GLI3: variants seen among roughly 807,000 people sequenced by gnomAD.
GLI3 encodes the protein GLI family zinc finger 3, also known as transcription activator GLI3.
In GLI3, 20 loss-of-function variants were observed where a neutral mutation model predicts 100.8. The ratio of observed to expected loss-of-function variants is 0.20; its 90% CI spans 0.14 to 0.29. The LOEUF (loss-of-function observed/expected upper bound fraction) is 0.29. Ranked by LOEUF, GLI3 falls within the 10% of genes least tolerant of loss-of-function variation. GLI3 has a pLI of 1.00. For missense variants in GLI3, 2,040 were observed against 2,128.5 expected (o/e 0.96, Z 0.82); for synonymous variants, 938 against 860.5 (o/e 1.09, Z -1.58).
chr7:42,262,195 T>C (rs1052253897), intron 1 of GLI3, among the ~76,000 whole-genome samples: 9 of 147,272 alleles, frequency 6.1e-5, no homozygotes, highest in Admixed American at 2.0e-4. Context: ...TCTTTTATTT[T>C]TTTTCCTTCC....
At chr7:41,978,964 G>A (rs1787582821) in intron 10 of GLI3, among the ~76,000 whole-genome samples, 1 of 152,194 alleles carries the variant, frequency 6.6e-6, no homozygotes, top group Non-Finnish European at 1.5e-5. Flanking sequence ...ACCAGTGGGA[G>A]TGGCAAGACC....
intron 3 of GLI3, among the ~76,000 whole-genome samples, chr7:42,136,915 C>T (rs192903186): frequency 6.6e-5 from 10 of 152,322 alleles, no homozygotes; most frequent in Non-Finnish European, 1.5e-4. Context: ...CACGCTCTTG[C>T]ACAGATCTGG....
At chr7:42,018,587 T>A (rs1202210369) in intron 10 of GLI3, among the ~76,000 whole-genome samples, 4 of 152,218 alleles carry the variant, frequency 2.6e-5, no homozygotes, top group Admixed American at 1.3e-4. Context: ...ATTAGATGTG[T>A]TTTCTTTATA....
At chr7:42,244,065 C>T (rs1013161149) in intron 1 of GLI3, among the ~76,000 whole-genome samples, 1 of 152,162 alleles carries the variant, frequency 6.6e-6, no homozygotes, top group Non-Finnish European at 1.5e-5. Flanking sequence ...AACTTCTGAC[C>T]TCAGGTGATC....
intron 3 of GLI3, among the ~76,000 whole-genome samples, chr7:42,108,359 T>C (rs2128765194): frequency 6.6e-6 from 1 of 152,208 alleles, no homozygotes; most frequent in Middle Eastern, 3.4e-3. Flanking sequence ...ATGACCAGCA[T>C]CTTCAGATTA....
chr7:42,246,876 C>T (rs6463096), intron 1 of GLI3, among the ~76,000 whole-genome samples: 119,734 of 144,616 alleles, frequency 0.83, 49,439 homozygotes, highest in Middle Eastern at 0.93. Context: ...TGAAAAAAGT[C>T]TGTGAAATCC....
At chr7:42,228,093 T>G (rs1244458295) in intron 1 of GLI3, among the ~76,000 whole-genome samples, 1 of 151,070 alleles carries the variant, frequency 6.6e-6, no homozygotes, top group African/African-American at 2.4e-5. Context: ...GGCGGCGCGG[T>G]GGGTTCATTA....
intron 10 of GLI3, among the ~76,000 whole-genome samples, chr7:41,993,720 T>G (rs1021700619): frequency 2.0e-5 from 3 of 152,188 alleles, no homozygotes; most frequent in Non-Finnish European, 4.4e-5. Context: ...CAACAAGCTT[T>G]GGAGCCAATG....
chr7:42,047,324 G>C (rs1397390889), intron 5 of GLI3, among the ~76,000 whole-genome samples: 3 of 152,230 alleles, frequency 2.0e-5, no homozygotes, highest in Non-Finnish European at 4.4e-5. Flanking sequence ...TGTTTCCTGA[G>C]ACACTTCATG....
chr7:42,095,064 C>G (rs114713595), intron 3 of GLI3, among the ~76,000 whole-genome samples: 2,895 of 152,318 alleles, frequency 0.019, 90 homozygotes, highest in African/African-American at 0.065. Flanking sequence ...ACACCACAGA[C>G]AAGCACAGCC....
intron 1 of GLI3, among the ~76,000 whole-genome samples, chr7:42,248,257 G>A (rs1583674706): frequency 6.6e-6 from 1 of 152,126 alleles, no homozygotes. Context: ...TCATCATAAA[G>A]TTGCTCATAT....
chr7:42,259,624 G>GT (rs1789119508), intron 1 of GLI3, among the ~76,000 whole-genome samples: 1 of 152,082 alleles, frequency 6.6e-6, no homozygotes, highest in African/African-American at 2.4e-5. Flanking sequence ...ACACTTGTAG[G>GT]GATTTCTGCA....
chr7:41,966,544 C>T lies in GLI3; in HGVS notation c.2529G>A (p.Met843Ile). Residue 843 changes from methionine (M) to isoleucine (I), a missense_variant, in exon 15 of 15, where the codon ATG becomes ATA. This residue lies in a region of GLI3 where 327 missense variants were observed against 338.7 expected (regional missense o/e 0.97). Coordinates refer to ENST00000395925, the MANE Select transcript of GLI3 (RefSeq NM_000168.6). The surrounding 1 kb of genome is among the most constrained non-coding windows in gnomAD (Gnocchi z 5.8). Reference protein sequence around the residue: ...LSGVDVTMLNMLNRRDSSAST... With the variant: ...LSGVDVTMLNILNRRDSSAST... Reference sequence around the variant, plus strand: ...TGGCGCTGCTGTCCCTTCTGTTGAGCATGTTCAGCATAGTGACGTCCACCC... The same window carrying T: ...TGGCGCTGCTGTCCCTTCTGTTGAGTATGTTCAGCATAGTGACGTCCACCC... 6.2e-7 allele frequency: 1 copy of T among 1,614,004 alleles called. No individual in the cohort carries two copies. Among genetic ancestry groups the T allele is most frequent in the Non-Finnish European group, 8.5e-7 (1 of 1,180,024 alleles).
intron 7 of GLI3, among the ~76,000 whole-genome samples, chr7:42,029,937 C>A (rs846286): frequency 6.6e-6 from 1 of 151,958 alleles, no homozygotes; most frequent in Non-Finnish European, 1.5e-5. Flanking sequence ...AGAGCAGACA[C>A]GCAGTACTGA....
intron 10 of GLI3, among the ~76,000 whole-genome samples, chr7:42,001,848 C>A (rs1178193314): frequency 6.6e-6 from 1 of 151,982 alleles, no homozygotes; most frequent in African/African-American, 2.4e-5. Flanking sequence ...AAAGAAAAGA[C>A]AGAAGGTAAA....
In GLI3 at chr7:41,978,767, G is replaced by T; in HGVS notation, c.1498-19C>A. The T allele has an allele frequency of 6.2e-7, 1 of 1,611,284 alleles. No individual in the cohort carries two copies. The highest frequency in any genetic ancestry group is 8.5e-7 in the Non-Finnish European group (1 of 1,177,482). ...TTATATGCTGGGGTTTGGAAAAAGA[G>T]AGAGAAATCAAATGGAAACGTATTC... On this transcript the variant is annotated intron_variant, in intron 10 of 14. Coordinates refer to ENST00000395925, the MANE Select transcript of GLI3 (RefSeq NM_000168.6).
At chr7:41,998,726 A>G (rs1298269496) in intron 10 of GLI3, among the ~76,000 whole-genome samples, 1 of 152,216 alleles carries the variant, frequency 6.6e-6, no homozygotes, top group Non-Finnish European at 1.5e-5. Flanking sequence ...CAAGCTATGG[A>G]TATTTTCACC....
At chr7:42,242,841 G>A (rs754062637), upstream of GLI3, among the ~76,000 whole-genome samples, 5 of 152,148 alleles carry the variant, frequency 3.3e-5, no homozygotes, top group African/African-American at 4.8e-5. Flanking sequence ...AGGAATTTTG[G>A]TGAATACAAC....
intron 1 of GLI3, among the ~76,000 whole-genome samples, chr7:42,243,628 T>C (rs573532350): frequency 2.0e-5 from 3 of 152,314 alleles, no homozygotes; most frequent in Admixed American, 6.5e-5. Flanking sequence ...ATGGTGTAAA[T>C]AAAGGAGTGG....
Sources: gnomAD v4.1 joint callset for allele counts (sites outside exome capture counted in the v4.1 genomes callset) on GRCh38, gnomAD v4.1.1 for gene constraint, gnomAD v4.1.1 regional missense constraint, Gnocchi (gnomAD v3.1) non-coding constraint, MANE v1.5 for transcripts, NCBI Gene and HGNC (gene_info 2026-07-23, HGNC 2026-07-21) for gene names.